Variants in LINGO2 observed in about 807,000 individuals in gnomAD.
LINGO2 encodes the protein leucine-rich repeat and immunoglobulin-like domain-containing nogo receptor-interacting protein 2.
LINGO2 carries 14 observed loss-of-function variants against 30.6 expected under a neutral mutation model. The observed-to-expected ratio is 0.46, with a 90% CI of 0.30 to 0.72. LINGO2 has a LOEUF of 0.72. Among genes scored for constraint, LINGO2 ranks in the 30% least tolerant of loss-of-function variants. LINGO2 has a pLI of 0.07. For missense variants in LINGO2, 729 were observed against 751.7 expected, an observed-to-expected ratio of 0.97 and a Z score of 0.35; for synonymous variants, 317 against 288.5, an observed-to-expected ratio of 1.10 and a Z score of -1.00.
At chr9:28,347,844 GCTGAGTA>G (rs1819652054) in intron 3 of LINGO2, among the ~76,000 whole-genome samples, 1 of 152,152 alleles carries the variant, frequency 6.6e-6, no homozygotes, top group South Asian at 2.1e-4. Flanking sequence ...TGCCCTGAGT[GCTGAGTA>G]CTACTGAGAA....
chr9:28,314,235 A>T (rs1014427414), intron 3 of LINGO2, among the ~76,000 whole-genome samples: 1 of 152,122 alleles, frequency 6.6e-6, no homozygotes, highest in Non-Finnish European at 1.5e-5. Context: ...CGCCCGGCCG[A>T]GAATTGATTT....
At chr9:29,170,764 A>G in the LINGO2 span, among the ~76,000 whole-genome samples, 1 of 152,100 alleles carries the variant, frequency 6.6e-6, no homozygotes. Context: ...AATAAACTCC[A>G]TAGGGGAAAT....
At chr9:28,545,292 A>T (rs754102042) in intron 1 of LINGO2, among the ~76,000 whole-genome samples, 1 of 152,108 alleles carries the variant, frequency 6.6e-6, no homozygotes, top group Non-Finnish European at 1.5e-5. Flanking sequence ...TTTAGAGGCC[A>T]GTCAGGAGAC....
At chr9:28,101,255 T>C (rs1826407777) in intron 4 of LINGO2, among the ~76,000 whole-genome samples, 1 of 152,098 alleles carries the variant, frequency 6.6e-6, no homozygotes, top group Non-Finnish European at 1.5e-5. Flanking sequence ...TGATGGGGTG[T>C]CCATCCTAGA....
intron 1 of LINGO2, among the ~76,000 whole-genome samples, chr9:28,664,680 C>T (rs1253533725): frequency 6.6e-6 from 1 of 151,958 alleles, no homozygotes; most frequent in African/African-American, 2.4e-5. Context: ...CCAATGAGAT[C>T]ATCATATCCT....
chr9:29,178,053 T>G, the LINGO2 span, among the ~76,000 whole-genome samples: 1 of 151,944 alleles, frequency 6.6e-6, no homozygotes, highest in Admixed American at 6.6e-5. Flanking sequence ...TTTATTTTAT[T>G]TATTTATTTA....
the LINGO2 span, among the ~76,000 whole-genome samples, chr9:28,896,107 G>T: frequency 6.6e-6 from 1 of 152,132 alleles, no homozygotes; most frequent in Non-Finnish European, 1.5e-5. Flanking sequence ...TCTCAAGAGA[G>T]GGCACTGGAC....
chr9:28,000,964 T>C (rs552445293), intron 5 of LINGO2, among the ~76,000 whole-genome samples: 5 of 152,338 alleles, frequency 3.3e-5, no homozygotes, highest in Non-Finnish European at 7.3e-5. Flanking sequence ...GTTATTTCTG[T>C]CAAGACAATT....
chr9:28,140,268 C>A (rs1387639022), intron 4 of LINGO2, among the ~76,000 whole-genome samples: 1 of 152,162 alleles, frequency 6.6e-6, no homozygotes, highest in Non-Finnish European at 1.5e-5. Context: ...AAACATCTTT[C>A]CCCCCAAATT....
intron 5 of LINGO2, among the ~76,000 whole-genome samples, chr9:28,002,108 A>T (rs1243491542): frequency 1.3e-5 from 2 of 152,238 alleles, no homozygotes; most frequent in Non-Finnish European, 2.9e-5. Context: ...ATCAGATTGA[A>T]TATTACAGTG....
chr9:28,159,303 G>A (rs939337575), intron 4 of LINGO2, among the ~76,000 whole-genome samples: 1 of 152,062 alleles, frequency 6.6e-6, no homozygotes, highest in Admixed American at 6.6e-5. Context: ...AACTGTCACA[G>A]AATATTTTAA....
intron 3 of LINGO2, among the ~76,000 whole-genome samples, chr9:28,352,500 G>T (rs1819945642): frequency 8.6e-6 from 1 of 116,676 alleles, no homozygotes; most frequent in Admixed American, 9.3e-5. Flanking sequence ...GGAAATAAAA[G>T]AGGATACAAA....
chr9:28,665,891 C>CGT (rs1170922883), intron 1 of LINGO2, among the ~76,000 whole-genome samples: 1 of 132,454 alleles, frequency 7.5e-6, no homozygotes, highest in African/African-American at 2.7e-5. Context: ...TTTGGTGTTA[C>CGT]TTTTTTTTTT....
At chr9:28,750,066 G>A in the LINGO2 span, among the ~76,000 whole-genome samples, 1 of 152,048 alleles carries the variant, frequency 6.6e-6, no homozygotes, top group Non-Finnish European at 1.5e-5. Flanking sequence ...GGTACATAGA[G>A]ATCATTTAGC....
At chr9:28,507,519 C>T in intron 1 of LINGO2, among the ~76,000 whole-genome samples, 1 of 152,046 alleles carries the variant, frequency 6.6e-6, no homozygotes. Flanking sequence ...AAACTGAATT[C>T]CTGATCTTTC....
At chr9:28,034,382 C>G (rs920525201) in intron 4 of LINGO2, among the ~76,000 whole-genome samples, 1 of 152,202 alleles carries the variant, frequency 6.6e-6, no homozygotes, top group African/African-American at 2.4e-5. Flanking sequence ...TTTAGCTCTT[C>G]TCTTGCTAGG....
At chr9:28,387,978 C>T (rs1487467038) in intron 2 of LINGO2, among the ~76,000 whole-genome samples, 2 of 152,156 alleles carry the variant, frequency 1.3e-5, no homozygotes, top group African/African-American at 4.8e-5. Flanking sequence ...GACCAAGAAC[C>T]CACCAATTCT....
intron 3 of LINGO2, among the ~76,000 whole-genome samples, chr9:28,306,196 T>G (rs57721145): frequency 0.036 from 5,446 of 150,482 alleles, 302 homozygotes; most frequent in African/African-American, 0.12. Context: ...TACTTGAACA[T>G]GAACTAAGTG....
the LINGO2 span, among the ~76,000 whole-genome samples, chr9:29,045,862 C>T: frequency 0.041 from 6,248 of 152,124 alleles, 197 homozygotes; most frequent in Admixed American, 0.083. Context: ...TTTCACCTCC[C>T]TGGTTGGCTA....
Sources: gnomAD v4.1 joint callset for allele counts (sites outside exome capture counted in the v4.1 genomes callset) on GRCh38, gnomAD v4.1.1 for gene constraint, MANE v1.5 for transcripts, NCBI Gene and HGNC (gene_info 2026-07-23, HGNC 2026-07-21) for gene names.